The following PTPRT variants were observed in gnomAD, a reference collection of about 807,000 sequenced individuals.
The protein encoded by PTPRT is receptor-type tyrosine-protein phosphatase T.
In PTPRT, 56 loss-of-function variants were observed where a neutral mutation model predicts 176.8. The ratio of observed to expected loss-of-function variants is 0.32; its 90% CI spans 0.26 to 0.40. The LOEUF (loss-of-function observed/expected upper bound fraction) is 0.40, where lower values mean the gene tolerates loss of function less well. PTPRT is among the 10% of genes least tolerant of loss of function. The pLI is 1.00. For synonymous variants in PTPRT, 783 were observed against 739.0 expected, an observed-to-expected ratio of 1.06 and a Z score of -0.96; for missense variants, 1,540 against 1,908.2, an observed-to-expected ratio of 0.81 and a Z score of 3.60.
intron 26 of PTPRT, among the ~76,000 whole-genome samples, chr20:42,100,172 G>GTTTTC (rs762727197): frequency 1.3e-5 from 2 of 152,178 alleles, no homozygotes; most frequent in African/African-American, 4.8e-5. Context: ...GTGAATGTTA[G>GTTTTC]TTTTCTTTTC....
intron 17 of PTPRT, among the ~76,000 whole-genome samples, chr20:42,158,213 T>A (rs1989442940): frequency 6.6e-6 from 1 of 152,256 alleles, no homozygotes; most frequent in Non-Finnish European, 1.5e-5. Flanking sequence ...TATAATTTGC[T>A]TATTTTTTTA....
chr20:42,059,879 A>T, the PTPRT span, among the ~76,000 whole-genome samples: 2 of 152,322 alleles, frequency 1.3e-5, no homozygotes, highest in Middle Eastern at 3.4e-3. Flanking sequence ...TAACTCAAGT[A>T]ATCCTTTTTA....
chr20:43,088,541 T>G (rs1340660759), intron 1 of PTPRT, among the ~76,000 whole-genome samples: 9 of 152,052 alleles, frequency 5.9e-5, no homozygotes, highest in Non-Finnish European at 4.4e-5. Flanking sequence ...ATCAGGAAAG[T>G]ACAGACTCTG....
intron 8 of PTPRT, among the ~76,000 whole-genome samples, chr20:42,454,890 G>A (rs1243599725): frequency 6.6e-6 from 1 of 152,136 alleles, no homozygotes; most frequent in Non-Finnish European, 1.5e-5. Context: ...AATGCTGTGG[G>A]AGCCAACTTG....
intron 15 of PTPRT, among the ~76,000 whole-genome samples, chr20:42,221,572 G>A (rs1007668067): frequency 1.3e-5 from 2 of 150,558 alleles, no homozygotes; most frequent in African/African-American, 4.9e-5. Flanking sequence ...TGTTACCCAA[G>A]CTGTAGTGCA....
At chr20:42,598,402 G>A in intron 7 of PTPRT, among the ~76,000 whole-genome samples, 1 of 150,398 alleles carries the variant, frequency 6.6e-6, no homozygotes, top group East Asian at 1.9e-4. Flanking sequence ...CACAACAAAA[G>A]AGCTGTTTTT....
intron 16 of PTPRT, among the ~76,000 whole-genome samples, chr20:42,181,184 T>C (rs1705583614): frequency 6.6e-6 from 1 of 152,156 alleles, no homozygotes; most frequent in African/African-American, 2.4e-5. Context: ...ATGCCAGATA[T>C]TGGGAAGGCT....
At chr20:42,185,724 C>T (rs1157082650) in intron 16 of PTPRT, among the ~76,000 whole-genome samples, 2 of 152,158 alleles carry the variant, frequency 1.3e-5, no homozygotes, top group Non-Finnish European at 2.9e-5. Context: ...GATTTATATA[C>T]CTAAGTCTTG....
chr20:42,077,290 AC>A lies in PTPRT; in HGVS notation c.*3588del. 5.3e-6 allele frequency: 1 copy of A among 187,906 alleles called. No individual in the cohort carries two copies. The highest frequency in any genetic ancestry group is 8.5e-5 in the East Asian group (1 of 11,756). The allele number at this position is 187,906 out of a possible 1,614,324, so 11.6% of individuals were successfully genotyped here. On this transcript the variant is annotated 3_prime_UTR_variant, in exon 31 of 31. Transcript: ENST00000373187. Reference sequence around the variant, plus strand: ...GACCCCTGGTTGGCCCAGATTCTTCACCCCAGAAAGGATGCAATGTTGGAGT... The same window carrying A: ...GACCCCTGGTTGGCCCAGATTCTTCACCCAGAAAGGATGCAATGTTGGAGT...
intron 7 of PTPRT, 149 bp from the exon 8 acceptor site, chr20:42,472,711 A>G: frequency 1.3e-6 from 1 of 775,598 alleles, no homozygotes. Context: ...CAGGCAATAT[A>G]ATTTAGAGAA....
chr20:42,612,859 A>G (rs2073997866), intron 7 of PTPRT, among the ~76,000 whole-genome samples: 1 of 152,164 alleles, frequency 6.6e-6, no homozygotes, highest in African/African-American at 2.4e-5. Flanking sequence ...TCCACCATGG[A>G]AAGAGTGTTT....
At chr20:42,686,311 C>CAGTGAGGG (rs2075690507) in intron 6 of PTPRT, 1 of 152,152 alleles carries the variant, frequency 6.6e-6, no homozygotes, top group Non-Finnish European at 1.5e-5. Flanking sequence ...AGCCCTTACC[C>CAGTGAGGG]AGTGAGGGAT....
chr20:42,669,926 C>A (rs2075384645), intron 7 of PTPRT, among the ~76,000 whole-genome samples: 1 of 152,158 alleles, frequency 6.6e-6, no homozygotes, highest in African/African-American at 2.4e-5. Context: ...GGTTCTCCCT[C>A]TTACCTGAGA....
chr20:42,875,058 G>A (rs2078908281), intron 2 of PTPRT, among the ~76,000 whole-genome samples: 1 of 152,120 alleles, frequency 6.6e-6, no homozygotes, highest in African/African-American at 2.4e-5. Flanking sequence ...GTTGAACGAT[G>A]CCAGTCTCCA....
intron 2 of PTPRT, among the ~76,000 whole-genome samples, chr20:42,809,578 G>C (rs758950367): frequency 1.8e-4 from 27 of 152,190 alleles, no homozygotes; most frequent in Non-Finnish European, 3.8e-4. Flanking sequence ...AGTTCTGGAG[G>C]CCAGAAGTCT....
chr20:42,330,534 C>T (rs2057951841), intron 11 of PTPRT, among the ~76,000 whole-genome samples: 1 of 151,746 alleles, frequency 6.6e-6, no homozygotes, highest in Admixed American at 6.6e-5. Flanking sequence ...GCTCTATTAG[C>T]TTATGTTAAT....
intron 1 of PTPRT, among the ~76,000 whole-genome samples, chr20:43,075,947 A>G (rs2011263435): frequency 6.6e-6 from 1 of 152,166 alleles, no homozygotes; most frequent in Admixed American, 6.5e-5. Flanking sequence ...TTGCTTGCCA[A>G]AACTCCAGAA....
intron 9 of PTPRT, among the ~76,000 whole-genome samples, chr20:42,428,225 T>G (rs1391737134): frequency 6.6e-6 from 1 of 152,156 alleles, no homozygotes; most frequent in African/African-American, 2.4e-5. Context: ...TAGATTACAG[T>G]TGGAGAAATG....
At chr20:42,672,288 A>C (rs2075426701) in intron 7 of PTPRT, among the ~76,000 whole-genome samples, 2 of 152,204 alleles carry the variant, frequency 1.3e-5, no homozygotes. Flanking sequence ...AGACTGGCTT[A>C]GTCTACTGGC....
Sources: allele counts gnomAD v4.1 joint callset (sites outside exome capture counted in the v4.1 genomes callset), GRCh38; gene constraint gnomAD v4.1.1; transcripts MANE v1.5; gene names NCBI Gene and HGNC (gene_info 2026-07-23, HGNC 2026-07-21).